Variants in KIAA1549L observed in about 807,000 individuals in gnomAD.
KIAA1549L encodes the protein UPF0606 protein KIAA1549L.
In KIAA1549L, 88 loss-of-function variants were observed where a neutral mutation model predicts 160.7. The observed-to-expected ratio is 0.55, with a 90% CI of 0.46 to 0.65. The LOEUF (loss-of-function observed/expected upper bound fraction) is 0.65. Ranked by LOEUF, KIAA1549L falls within the 30% of genes least tolerant of loss-of-function variation. The pLI is 0.00. For missense variants in KIAA1549L, 2,258 were observed against 2,437.5 expected (o/e 0.93, Z 1.55); for synonymous variants, 950 against 976.7 (o/e 0.97, Z 0.51).
At chr11:33,622,359 A>G (rs543668816) in intron 16 of KIAA1549L, among the ~76,000 whole-genome samples, 1 of 152,318 alleles carries the variant, frequency 6.6e-6, no homozygotes, top group Admixed American at 6.5e-5. Flanking sequence ...GAACAAGACC[A>G]CAGGGCTGGC....
intron 8 of KIAA1549L, 70 bp from the exon 9 acceptor site, chr11:33,568,006 G>T: frequency 6.8e-7 from 1 of 1,461,154 alleles, no homozygotes; most frequent in East Asian, 2.5e-5. Flanking sequence ...CAGGGTCAGT[G>T]GTGCTTGTGC....
chr11:33,620,833 T>G (rs1850940335), intron 16 of KIAA1549L, among the ~76,000 whole-genome samples: 2 of 151,978 alleles, frequency 1.3e-5, no homozygotes, highest in Admixed American at 1.3e-4. Context: ...AAGCAAAACA[T>G]GGACCAGCAA....
intron 13 of KIAA1549L, among the ~76,000 whole-genome samples, chr11:33,602,107 C>T (rs2133311831): frequency 6.6e-6 from 1 of 152,300 alleles, no homozygotes; most frequent in African/African-American, 2.4e-5. Flanking sequence ...AAGCAAACAA[C>T]CACCTGCCTG....
intron 1 of KIAA1549L, among the ~76,000 whole-genome samples, chr11:33,470,801 CTTCT>C (rs1346875202): frequency 2.0e-5 from 3 of 151,652 alleles, no homozygotes; most frequent in Admixed American, 6.6e-5. Context: ...TGACTTTTTT[CTTCT>C]TTGTTTTGTT....
At chr11:33,453,595 A>G (rs1019389012) in intron 1 of KIAA1549L, among the ~76,000 whole-genome samples, 2 of 152,174 alleles carry the variant, frequency 1.3e-5, no homozygotes, top group South Asian at 4.1e-4. Flanking sequence ...AAATTCTAGA[A>G]TCTTTCTGGG....
chr11:33,512,533 C>T (rs1057054169), intron 1 of KIAA1549L, among the ~76,000 whole-genome samples: 6 of 152,104 alleles, frequency 3.9e-5, no homozygotes, highest in South Asian at 2.1e-4. Context: ...AATGATCCTC[C>T]GACTTCAGCC....
chr11:33,604,275 C>T (rs1850441449), intron 13 of KIAA1549L, among the ~76,000 whole-genome samples: 2 of 152,102 alleles, frequency 1.3e-5, no homozygotes, highest in African/African-American at 4.8e-5. Flanking sequence ...CCTGAGCTGT[C>T]ATCTAGAGTC....
At chr11:33,423,568 AT>A (rs1400172234) in intron 1 of KIAA1549L, among the ~76,000 whole-genome samples, 1 of 152,228 alleles carries the variant, frequency 6.6e-6, no homozygotes, top group East Asian at 1.9e-4. Flanking sequence ...TAGACTTCTC[AT>A]TTTGCTCAGC....
intron 1 of KIAA1549L, among the ~76,000 whole-genome samples, chr11:33,488,233 G>A (rs1227562733): frequency 6.6e-6 from 1 of 152,204 alleles, no homozygotes; most frequent in Non-Finnish European, 1.5e-5. Context: ...AATGAATAAT[G>A]TTAATGTCAT....
chr11:33,619,656 T>G (rs547953465), intron 16 of KIAA1549L, among the ~76,000 whole-genome samples: 2 of 152,108 alleles, frequency 1.3e-5, no homozygotes, highest in Admixed American at 6.5e-5. Flanking sequence ...CTTCCTTATA[T>G]TTAAACTTGA....
At chr11:33,585,435 T>C (rs1459240472) in intron 11 of KIAA1549L, among the ~76,000 whole-genome samples, 1 of 152,096 alleles carries the variant, frequency 6.6e-6, no homozygotes, top group Non-Finnish European at 1.5e-5. Flanking sequence ...GGAGAATTGC[T>C]TGAACCTGGG....
intron 1 of KIAA1549L, among the ~76,000 whole-genome samples, chr11:33,385,369 T>C (rs527788769): frequency 1.3e-5 from 2 of 152,368 alleles, no homozygotes; most frequent in African/African-American, 4.8e-5. Flanking sequence ...CATTTTGGGT[T>C]CAACGGTTCT....
At chr11:33,660,454 A>C (rs1852219741) in intron 19 of KIAA1549L, among the ~76,000 whole-genome samples, 1 of 152,138 alleles carries the variant, frequency 6.6e-6, no homozygotes, top group Non-Finnish European at 1.5e-5. Flanking sequence ...AGTTCCAGTT[A>C]CTCAGGAGGC....
At chr11:33,640,744 A>G (rs1289103078) in intron 16 of KIAA1549L, among the ~76,000 whole-genome samples, 1 of 152,238 alleles carries the variant, frequency 6.6e-6, no homozygotes, top group Non-Finnish European at 1.5e-5. Context: ...TGTGTTTTCT[A>G]ATTTCCGACC....
chr11:33,376,139 C>T lies in KIAA1549L; in HGVS notation c.-513C>T, dbSNP rs897711431. 5.1e-4 allele frequency among the ~76,000 whole-genome samples: 76 copies of T among 149,828 alleles called. No homozygotes were observed. The highest frequency in any genetic ancestry group is 8.6e-4 in the Admixed American group (13 of 15,082). ...GAGGCGCCGCTCTGAGCTGCGGTAG[C>T]ACTCGCGGCCCGGGAACCCGAGCCG... On this transcript the variant is annotated 5_prime_UTR_variant, in exon 1 of 21. Transcript: ENST00000658780. The surrounding 1 kb of genome is among the most constrained non-coding windows in gnomAD (Gnocchi z 5.8).
chr11:33,653,439 C>T (rs1191071825), intron 17 of KIAA1549L, among the ~76,000 whole-genome samples: 1 of 152,222 alleles, frequency 6.6e-6, no homozygotes, highest in Non-Finnish European at 1.5e-5. Flanking sequence ...GAGCACTTTG[C>T]ATTCCATGTC....
chr11:33,608,074 T>C (rs1850554873), intron 14 of KIAA1549L, among the ~76,000 whole-genome samples: 1 of 152,182 alleles, frequency 6.6e-6, no homozygotes, highest in African/African-American at 2.4e-5. Context: ...TACTACAGCC[T>C]ACCAGAGAAT....
At position 33,606,830 on chromosome 11, in the gene KIAA1549L, C is replaced by G; in HGVS notation, c.5061+8C>G. ...GCAGTCCTCAACGGCGAGGTAAGTG[C>G]CTGGAGACCCAGGGCAGGAGATGGT... On this transcript the variant is annotated splice_region_variant and intron_variant, in intron 14 of 20. Coordinates refer to ENST00000658780, the MANE Select transcript of KIAA1549L (RefSeq NM_012194.3). 5 of 1,590,846 alleles carry G rather than the reference C, an allele frequency of 3.1e-6. No homozygotes were observed. The highest frequency in any genetic ancestry group is 4.3e-6 in the Non-Finnish European group (5 of 1,167,522).
rs191891554 is a variant in KIAA1549L, at chr11:33,604,848, G to A, written c.4880-1793G>A. Among the ~76,000 whole-genome samples the A allele has an allele frequency of 2.6e-5, 4 of 152,284 alleles. No individual in the cohort carries two copies. The East Asian group carries it at 7.7e-4, about 29-fold the overall frequency. On this transcript the variant is annotated intron_variant, in intron 13 of 20. Transcript: ENST00000658780. ...GATAAAAGACTACATATTGGGTACA[G>A]GATACACTACTTACGTGACGGGTAC...
Sources: allele counts gnomAD v4.1 joint callset (sites outside exome capture counted in the v4.1 genomes callset), GRCh38; gene constraint gnomAD v4.1.1; non-coding constraint Gnocchi (gnomAD v3.1); transcripts MANE v1.5; gene names NCBI Gene and HGNC (gene_info 2026-07-23, HGNC 2026-07-21).